The following COPA variants were observed in gnomAD, a reference collection of about 807,000 sequenced individuals.
The protein encoded by COPA is coat protein complex I subunit alpha.
A neutral mutation model predicts 158.7 loss-of-function variants in COPA; 10 were observed. The ratio of observed to expected loss-of-function variants is 0.06; its 90% CI spans 0.04 to 0.11. The LOEUF is 0.11. Among genes scored for constraint, COPA ranks in the 10% least tolerant of loss-of-function variants. COPA has a pLI of 1.00. For missense variants in COPA, 1,065 were observed against 1,536.7 expected, an observed-to-expected ratio of 0.69 and a Z score of 5.13; for synonymous variants, 462 against 542.8, an observed-to-expected ratio of 0.85 and a Z score of 2.07.
chr1:160,319,461 A>G (rs2101854779), intron 8 of COPA, among the ~76,000 whole-genome samples: 2 of 150,954 alleles, frequency 1.3e-5, no homozygotes, highest in Middle Eastern at 3.4e-3. Context: ...CCCCACTCTC[A>G]AAAACAGACA....
rs193126242 is a variant in COPA, at chr1:160,301,821, A to C, written c.1668-2557T>G. On this transcript the variant is annotated intron_variant, in intron 17 of 32. Coordinates refer to ENST00000241704, the MANE Select transcript of COPA (RefSeq NM_004371.4). ...AAATAGATATAAATAAATAAATTCA[A>C]CATTTAGGTTGGTAAATGTTGAATT... Among the ~76,000 whole-genome samples, 37 of 152,116 alleles carry C rather than the reference A, an allele frequency of 2.4e-4. No individual in the cohort carries two copies. The East Asian group carries it at 5.8e-3, about 24-fold the overall frequency.
At chr1:160,298,153 C>T (rs1216268702) in intron 19 of COPA, among the ~76,000 whole-genome samples, 2 of 151,490 alleles carry the variant, frequency 1.3e-5, no homozygotes, top group Admixed American at 6.6e-5. Flanking sequence ...TGCACTCCAG[C>T]CTGGGCAACA....
At chr1:160,309,226 A>T (rs757454067) in intron 12 of COPA, 50 bp from the exon 13 acceptor site, 1 of 1,388,076 alleles carries the variant, frequency 7.2e-7, no homozygotes. Flanking sequence ...CACCCAAGAT[A>T]CCAGTTTTCC....
chr1:160,292,546 G>A lies in COPA; in HGVS notation c.2898C>T (p.Gly966=). 1.2e-6 allele frequency: 2 copies of A among 1,614,052 alleles called. No homozygotes were observed. The highest frequency in any genetic ancestry group is 8.5e-7 in the Non-Finnish European group (1 of 1,179,992). The change falls in exon 28 of 33, where the codon GGC becomes GGT. Residue 966 remains glycine (G), a synonymous_variant. Transcript: ENST00000241704. ...KQLFLQTYAR[G]RTTYQALPCL... The stretch of plus-strand genomic sequence containing the variant: ...AGGGCAGAGCCTGATAGGTTGTGCG[G>A]CCTCGGGCGTATGTCTGTAGGAACA...
At chr1:160,328,855 G>A (rs1217066595) in intron 6 of COPA, among the ~76,000 whole-genome samples, 1 of 152,144 alleles carries the variant, frequency 6.6e-6, no homozygotes, top group Non-Finnish European at 1.5e-5. Context: ...CCCTATGGGA[G>A]AGGTACCAAG....
At chr1:160,311,544 T>C (rs574840761) in intron 11 of COPA, among the ~76,000 whole-genome samples, 3 of 151,934 alleles carry the variant, frequency 2.0e-5, no homozygotes, top group Non-Finnish European at 4.4e-5. Flanking sequence ...GGTCAGGAGA[T>C]TGAGACCATC....
At position 160,292,133 on chromosome 1, in the gene COPA, C is replaced by A. The variant is rs761236399; in HGVS notation, c.3026G>T (p.Arg1009Leu). The change falls in exon 29 of 33, where the codon CGG (arginine) becomes CTG (leucine). Residue 1009 changes from arginine to leucine, a missense_variant. This residue lies in a region of COPA where 980 missense variants were observed against 1,357.8 expected (regional missense o/e 0.72). Transcript: ENST00000241704. ...VGLKLNDLIQRLQLCYQLTTV... is the reference protein window; with the variant it reads ...VGLKLNDLIQLLQLCYQLTTV... ...GGTGAGCTGGTAGCACAGCTGCAAC[C>A]GTTGGATGAGGTCATTAAGCTTCAG... 2 of 1,614,090 alleles carry A rather than the reference C, an allele frequency of 1.2e-6. No individual in the cohort carries two copies. Among genetic ancestry groups the A allele is most frequent in the Non-Finnish European group, 1.7e-6 (2 of 1,180,042 alleles).
chr1:160,296,960 G>C (rs555763548), intron 21 of COPA, among the ~76,000 whole-genome samples: 1 of 152,108 alleles, frequency 6.6e-6, no homozygotes, highest in East Asian at 1.9e-4. Context: ...ATAATGCTTG[G>C]TATATAGTGG....
At chr1:160,306,969 A>G (rs1443479830) in intron 14 of COPA, among the ~76,000 whole-genome samples, 194 bp downstream of exon 14, 1 of 152,210 alleles carries the variant, frequency 6.6e-6, no homozygotes, top group Non-Finnish European at 1.5e-5. Flanking sequence ...GGCGATCATC[A>G]ACCCAATCAA....
intron 7 of COPA, among the ~76,000 whole-genome samples, chr1:160,323,869 TTTA>T (rs889249219): frequency 6.6e-6 from 1 of 152,200 alleles, no homozygotes; most frequent in African/African-American, 2.4e-5. Context: ...TTTTTTATTT[TTTA>T]TTGTTTTTAG....
intron 14 of COPA, 115 bp downstream of exon 14, chr1:160,307,048 T>G: frequency 8.9e-6 from 9 of 1,007,866 alleles, no homozygotes; most frequent in East Asian, 2.4e-5. Context: ...AGCCAATACA[T>G]GAGAATCACG....
chr1:160,293,032 G>A (rs542172849), intron 27 of COPA, 134 bp downstream of exon 27: 5 of 906,882 alleles, frequency 5.5e-6, no homozygotes, highest in Non-Finnish European at 8.7e-6. Flanking sequence ...ACTTAACAAA[G>A]ATAAAGAGTT....
chr1:160,320,701 C>A (rs1659304712), intron 8 of COPA, among the ~76,000 whole-genome samples: 1 of 135,890 alleles, frequency 7.4e-6, no homozygotes, highest in Non-Finnish European at 1.6e-5. Context: ...AATAAAAATT[C>A]TCCCATCAAA....
intron 4 of COPA, among the ~76,000 whole-genome samples, chr1:160,334,853 G>C (rs905805093): frequency 1.3e-5 from 2 of 152,128 alleles, no homozygotes; most frequent in Admixed American, 1.3e-4. Context: ...TTAATACTTC[G>C]AAACGTTTGT....
intron 6 of COPA, among the ~76,000 whole-genome samples, chr1:160,329,607 T>C (rs1342849204): frequency 6.6e-6 from 1 of 151,974 alleles, no homozygotes; most frequent in Non-Finnish European, 1.5e-5. Context: ...CAAACATTAC[T>C]TTTACAGTGG....
In COPA at chr1:160,306,277, G is replaced by A. The variant is rs1189470124; in HGVS notation, c.1442+77C>T. ...CAAGCCACAAGACAAACTCACTTGG[G>A]GAAAAAAGGTTCCCACTAAAGATGT... is the stretch of plus-strand genomic sequence containing the variant. On this transcript the variant is annotated intron_variant, in intron 15 of 32. Transcript: ENST00000241704. The A allele has an allele frequency of 4.0e-6, 6 of 1,493,378 alleles. No individual in the cohort carries two copies. In the Admixed American group the frequency reaches 9.4e-5, roughly 23 times the overall value. 92.5% of individuals were successfully genotyped at this position (1,493,378 alleles called of 1,614,324 possible).
intron 11 of COPA, among the ~76,000 whole-genome samples, chr1:160,311,297 G>A (rs563007887): frequency 1.3e-5 from 2 of 152,082 alleles, no homozygotes; most frequent in Admixed American, 6.6e-5. Flanking sequence ...AATTAGCCAG[G>A]TGTGGTGGTG....
rs1486847407 is a variant in COPA, at chr1:160,292,048, T to C, written c.3111A>G (p.Pro1037=). ...EKFRSILLSV[P]LLVVDNKQEI... ...CTTGTTTATTGTCCACAACAAGAAGTGGCACACTGAGAAGGATGGAACGGA... is the reference window on the plus strand; with the variant it reads ...CTTGTTTATTGTCCACAACAAGAAGCGGCACACTGAGAAGGATGGAACGGA... Residue 1037 remains proline, a synonymous_variant, in exon 29 of 33, where the codon CCA becomes CCG. Coordinates refer to ENST00000241704, the MANE Select transcript of COPA (RefSeq NM_004371.4). 1 of 1,614,214 alleles carries C rather than the reference T, an allele frequency of 6.2e-7. No individual in the cohort carries two copies. Among genetic ancestry groups the C allele is most frequent in the South Asian group, 1.1e-5 (1 of 91,084 alleles).
chr1:160,307,057 C>G (rs184876069), intron 14 of COPA, 106 bp downstream of exon 14: 4 of 1,107,756 alleles, frequency 3.6e-6, no homozygotes, highest in African/African-American at 1.5e-5. Context: ...ATGAGAATCA[C>G]GGCTGCCCGG....
Sources: gnomAD v4.1 joint callset for allele counts (sites outside exome capture counted in the v4.1 genomes callset) on GRCh38, gnomAD v4.1.1 for gene constraint, gnomAD v4.1.1 regional missense constraint, MANE v1.5 for transcripts, NCBI Gene and HGNC (gene_info 2026-07-23, HGNC 2026-07-21) for gene names.